The following NOS1AP variants were observed in gnomAD, a reference collection of about 807,000 sequenced individuals.
NOS1AP encodes carboxyl-terminal PDZ ligand of neuronal nitric oxide synthase protein.
In NOS1AP, 21 loss-of-function variants were observed where a neutral mutation model predicts 56.2. The ratio of observed to expected loss-of-function variants is 0.37; its 90% CI spans 0.26 to 0.54. The LOEUF (loss-of-function observed/expected upper bound fraction) is 0.54. Among genes scored for constraint, NOS1AP ranks in the 20% least tolerant of loss-of-function variants. NOS1AP has a pLI of 0.84. For synonymous variants in NOS1AP, 270 were observed against 274.6 expected, an observed-to-expected ratio of 0.98 and a Z score of 0.17; for missense variants, 522 against 657.8, an observed-to-expected ratio of 0.79 and a Z score of 2.26.
Position 162,102,882 on chromosome 1 carries a change from G to A in NOS1AP, c.105+32600G>A, listed in dbSNP as rs568491775. The stretch of plus-strand genomic sequence containing the variant: ...TTTTATTAATTTTTTCAAAAAACCA[G>A]CTACTGGATATGTTGATTTGTTTGA... On this transcript the variant is annotated intron_variant, in intron 1 of 9. Transcript: ENST00000361897. 3.3e-4 allele frequency among the ~76,000 whole-genome samples: 50 copies of A among 152,206 alleles called. No homozygotes were observed. The East Asian group carries it at 9.2e-3, about 28-fold the overall frequency.
chr1:162,365,710 T>C lies in NOS1AP; in HGVS notation c.1105+141T>C, dbSNP rs348623. ...GCAGAAAACATAGGCAGCTTTGTTTTCCCATTAGTATACTTAATGAATTAC... is the reference window on the plus strand; with the variant it reads ...GCAGAAAACATAGGCAGCTTTGTTTCCCCATTAGTATACTTAATGAATTAC... On this transcript the variant is annotated intron_variant, in intron 9 of 9. Coordinates refer to ENST00000361897, the MANE Select transcript of NOS1AP (RefSeq NM_014697.3). The C allele has an allele frequency of 1, 1,056,004 of 1,057,754 alleles. 527,146 individuals carry two copies. The highest frequency in any genetic ancestry group is 1 in the Middle Eastern group (3,438 of 3,438). The allele number at this position is 1,057,754 out of a possible 1,614,324, so 65.5% of individuals were successfully genotyped here.
At chr1:162,304,203 C>G (rs1655745604) in intron 4 of NOS1AP, among the ~76,000 whole-genome samples, 1 of 152,088 alleles carries the variant, frequency 6.6e-6, no homozygotes, top group Non-Finnish European at 1.5e-5. Flanking sequence ...TCTTCCTTCT[C>G]TCTGTTCCTC....
intron 2 of NOS1AP, among the ~76,000 whole-genome samples, chr1:162,178,860 A>C (rs978883680): frequency 6.6e-6 from 1 of 152,206 alleles, no homozygotes; most frequent in Non-Finnish European, 1.5e-5. Flanking sequence ...AACTGTTTTC[A>C]TTCCGAGCAT....
intron 2 of NOS1AP, among the ~76,000 whole-genome samples, chr1:162,233,081 A>T (rs1261961575): frequency 6.6e-6 from 1 of 152,208 alleles, no homozygotes; most frequent in Non-Finnish European, 1.5e-5. Flanking sequence ...TGGAGGGCTT[A>T]TTAAAACACA....
At chr1:162,124,847 A>G (rs754431599) in intron 1 of NOS1AP, among the ~76,000 whole-genome samples, 15 of 151,768 alleles carry the variant, frequency 9.9e-5, no homozygotes, top group South Asian at 2.1e-4. Context: ...TTCTTTATCT[A>G]CTCATCAGTT....
chr1:162,355,428 C>G, intron 7 of NOS1AP, 75 bp downstream of exon 7: 1 of 1,579,848 alleles, frequency 6.3e-7, no homozygotes, highest in South Asian at 1.1e-5. Context: ...CTAGCCCCTG[C>G]CAGCTCAGCT....
intron 1 of NOS1AP, among the ~76,000 whole-genome samples, chr1:162,072,755 A>G (rs1324859398): frequency 2.0e-5 from 3 of 152,232 alleles, no homozygotes; most frequent in African/African-American, 7.2e-5. Context: ...TTTCTGTCCT[A>G]CATGCTCCTG....
chr1:162,289,016 C>T (rs758105938), intron 3 of NOS1AP, among the ~76,000 whole-genome samples: 75 of 152,184 alleles, frequency 4.9e-4, no homozygotes, highest in Admixed American at 9.2e-4. Flanking sequence ...TTAAAGAAAT[C>T]GTGGATGATG....
intron 2 of NOS1AP, among the ~76,000 whole-genome samples, chr1:162,159,926 G>C (rs1650130616): frequency 1.3e-5 from 2 of 152,114 alleles, no homozygotes; most frequent in African/African-American, 4.8e-5. Context: ...GGTGGCTCCT[G>C]ACCCCTTCAT....
intron 2 of NOS1AP, among the ~76,000 whole-genome samples, chr1:162,159,718 G>T (rs1262995310): frequency 1.3e-5 from 2 of 152,176 alleles, no homozygotes; most frequent in African/African-American, 4.8e-5. Context: ...GTAAACATTT[G>T]TTGAGTGACT....
chr1:162,300,720 C>A lies in NOS1AP; in HGVS notation c.344+14C>A. On this transcript the variant is annotated intron_variant, in intron 4 of 9. Transcript: ENST00000361897. ...CCCCATCTACAGGTAAGAGCCCAGT[C>A]CAGCACCCAAGATATCACTGAGCCC... The A allele has an allele frequency of 1.2e-6, 2 of 1,612,908 alleles. No homozygotes were observed. Among genetic ancestry groups the A allele is most frequent in the South Asian group, 1.1e-5 (1 of 91,044 alleles).
intron 2 of NOS1AP, among the ~76,000 whole-genome samples, chr1:162,185,302 A>T (rs1038258651): frequency 5.3e-5 from 8 of 152,206 alleles, no homozygotes; most frequent in African/African-American, 1.9e-4. Context: ...TCTGGGGATT[A>T]GTGTGTAGAC....
intron 3 of NOS1AP, among the ~76,000 whole-genome samples, chr1:162,293,492 A>C (rs1655341951): frequency 6.6e-6 from 1 of 152,206 alleles, no homozygotes; most frequent in South Asian, 2.1e-4. Context: ...TTCCAGGAAG[A>C]CCTACCTCTA....
intron 2 of NOS1AP, among the ~76,000 whole-genome samples, chr1:162,167,667 G>A (rs1650566523): frequency 6.6e-6 from 1 of 152,254 alleles, no homozygotes; most frequent in African/African-American, 2.4e-5. Context: ...CCTGCTATCT[G>A]AGGGGGTCTC....
intron 1 of NOS1AP, among the ~76,000 whole-genome samples, chr1:162,095,155 A>G (rs1692211127): frequency 6.6e-6 from 1 of 152,162 alleles, no homozygotes; most frequent in Non-Finnish European, 1.5e-5. Context: ...ATGGAGTGCT[A>G]TGGTCTGAAT....
chr1:162,280,653 A>G (rs1281343611), intron 2 of NOS1AP, among the ~76,000 whole-genome samples: 1 of 152,230 alleles, frequency 6.6e-6, no homozygotes, highest in Admixed American at 6.5e-5. Flanking sequence ...CTTCATTTCT[A>G]TATAATGACA....
intron 4 of NOS1AP, among the ~76,000 whole-genome samples, chr1:162,314,417 CAG>C (rs1656163236): frequency 6.6e-6 from 1 of 152,186 alleles, no homozygotes; most frequent in African/African-American, 2.4e-5. Context: ...GAGAAAGTAA[CAG>C]GGGAGCAGGG....
At chr1:162,350,474 GC>G (rs1657456053) in intron 6 of NOS1AP, among the ~76,000 whole-genome samples, 1 of 152,162 alleles carries the variant, frequency 6.6e-6, no homozygotes, top group African/African-American at 2.4e-5. Context: ...TGGAGCCACT[GC>G]CCCTGTGGCA....
intron 2 of NOS1AP, among the ~76,000 whole-genome samples, chr1:162,208,523 A>G (rs1652241849): frequency 1.3e-5 from 2 of 152,116 alleles, no homozygotes; most frequent in Non-Finnish European, 1.5e-5. Context: ...TACCACCACC[A>G]TTTTGGACCA....
Sources: gnomAD v4.1 joint callset for allele counts (sites outside exome capture counted in the v4.1 genomes callset) on GRCh38, gnomAD v4.1.1 for gene constraint, MANE v1.5 for transcripts, NCBI Gene and HGNC (gene_info 2026-07-23, HGNC 2026-07-21) for gene names.